Variants in DTNB observed in about 807,000 individuals in gnomAD.
DTNB encodes dystrobrevin beta, also known as DTN-B.
A neutral mutation model predicts 90.7 loss-of-function variants in DTNB; 63 were observed. The ratio of observed to expected loss-of-function variants is 0.69; its 90% CI spans 0.57 to 0.86. DTNB has a LOEUF of 0.86. DTNB is among the 40% of genes least tolerant of loss of function. DTNB has a pLI of 0.00. For synonymous variants in DTNB, 277 were observed against 286.7 expected (o/e 0.97, Z 0.34); for missense variants, 744 against 807.1 (o/e 0.92, Z 0.95).
chr2:25,565,364 G>C (rs1208749281), intron 8 of DTNB, among the ~76,000 whole-genome samples: 1 of 152,124 alleles, frequency 6.6e-6, no homozygotes, highest in African/African-American at 2.4e-5. Context: ...AGCCTCCTGA[G>C]TAGGCAGGAC....
At chr2:25,482,174 G>C (rs1170809814) in intron 10 of DTNB, among the ~76,000 whole-genome samples, 1 of 152,116 alleles carries the variant, frequency 6.6e-6, no homozygotes, top group East Asian at 1.9e-4. Flanking sequence ...CAAATAGAAA[G>C]CCATTTTATA....
intron 3 of DTNB, among the ~76,000 whole-genome samples, chr2:25,631,319 C>T (rs1001567140): frequency 2.6e-5 from 4 of 152,050 alleles, no homozygotes; most frequent in Admixed American, 6.6e-5. Context: ...CTTGGTGCAG[C>T]GGCTCATGTC....
intron 9 of DTNB, among the ~76,000 whole-genome samples, chr2:25,521,170 A>G (rs1014482058): frequency 2.6e-5 from 4 of 152,156 alleles, no homozygotes; most frequent in Non-Finnish European, 5.9e-5. Flanking sequence ...CATTCAGAAA[A>G]AAGAGTCTAA....
intron 12 of DTNB, among the ~76,000 whole-genome samples, chr2:25,444,732 T>G (rs1216442050): frequency 6.6e-6 from 1 of 152,100 alleles, no homozygotes; most frequent in South Asian, 2.1e-4. Context: ...TCAAATTATT[T>G]AACAATGTGG....
At chr2:25,656,509 A>G (rs955912983) in intron 1 of DTNB, among the ~76,000 whole-genome samples, 2 of 152,096 alleles carry the variant, frequency 1.3e-5, no homozygotes, top group Admixed American at 6.6e-5. Context: ...TAGCCACACA[A>G]TCTAGAGATA....
At chr2:25,662,070 T>C (rs1194003895) in intron 1 of DTNB, among the ~76,000 whole-genome samples, 1 of 151,758 alleles carries the variant, frequency 6.6e-6, no homozygotes, top group African/African-American at 2.4e-5. Flanking sequence ...GCAGGAGAAC[T>C]GCTTGAACCC....
At chr2:25,524,196 C>T (rs369065461) in intron 9 of DTNB, among the ~76,000 whole-genome samples, 1 of 151,940 alleles carries the variant, frequency 6.6e-6, no homozygotes, top group Admixed American at 6.6e-5. Context: ...CCACCGTGCC[C>T]GGCCCTTCTG....
chr2:25,541,557 T>C (rs2081259901), intron 8 of DTNB, among the ~76,000 whole-genome samples: 1 of 152,132 alleles, frequency 6.6e-6, no homozygotes. Flanking sequence ...TATTCACGTA[T>C]ATTCATGTTG....
intron 15 of DTNB, 76 bp downstream of exon 15, chr2:25,427,459 C>T (rs2052186862): frequency 6.9e-7 from 1 of 1,439,412 alleles, no homozygotes; most frequent in Non-Finnish European, 9.6e-7. Context: ...CCTATTCTGA[C>T]ATCACAGGGA....
rs146234691 is a variant in DTNB, at chr2:25,537,989, T to C, written c.877-6392A>G. Among the ~76,000 whole-genome samples the C allele has an allele frequency of 2.0e-5, 3 of 152,334 alleles. No individual in the cohort carries two copies. The East Asian group carries it at 5.8e-4, about 29-fold the overall frequency. On this transcript the variant is annotated intron_variant, in intron 8 of 20. Transcript: ENST00000406818. ...TCTTAACGTAGAAAGTGAAATATTC[T>C]CTAAATACTCTTAGGCAATGATTTT...
chr2:25,657,047 A>T (rs1016691622), intron 1 of DTNB, among the ~76,000 whole-genome samples: 4 of 152,130 alleles, frequency 2.6e-5, no homozygotes, highest in Non-Finnish European at 5.9e-5. Flanking sequence ...GTGGTGGTGC[A>T]TGCCTGTAAT....
chr2:25,533,547 A>C (rs191678224), intron 8 of DTNB, among the ~76,000 whole-genome samples: 2 of 152,262 alleles, frequency 1.3e-5, no homozygotes, highest in East Asian at 1.9e-4. Context: ...CATCCATCAA[A>C]GGCTGATAGT....
At chr2:25,633,278 C>T (rs945286000) in intron 3 of DTNB, among the ~76,000 whole-genome samples, 7 of 152,092 alleles carry the variant, frequency 4.6e-5, no homozygotes, top group African/African-American at 1.7e-4. Flanking sequence ...ATTCTCCTGC[C>T]TCAGCCTGCC....
intron 10 of DTNB, among the ~76,000 whole-genome samples, chr2:25,465,393 GAA>G (rs2061613099): frequency 1.3e-5 from 2 of 149,190 alleles, no homozygotes; most frequent in South Asian, 4.2e-4. Flanking sequence ...AAAAAAGAAA[GAA>G]AAGAAACAAA....
intron 12 of DTNB, among the ~76,000 whole-genome samples, chr2:25,439,645 T>C (rs867459364): frequency 6.6e-6 from 1 of 152,040 alleles, no homozygotes; most frequent in East Asian, 1.9e-4. Flanking sequence ...TTTAGTGTAG[T>C]AGGAGAGGAA....
At chr2:25,438,715 A>G (rs1450433817) in intron 12 of DTNB, among the ~76,000 whole-genome samples, 3 of 152,218 alleles carry the variant, frequency 2.0e-5, no homozygotes, top group Admixed American at 1.3e-4. Context: ...GCCTGTGCAT[A>G]GTGACTTCCT....
At chr2:25,514,605 A>G (rs1276707547) in intron 9 of DTNB, among the ~76,000 whole-genome samples, 8 of 150,166 alleles carry the variant, frequency 5.3e-5, no homozygotes, top group African/African-American at 2.0e-4. Context: ...TTTTCTTTGC[A>G]TACATCTAAC....
intron 1 of DTNB, among the ~76,000 whole-genome samples, chr2:25,669,333 GA>G (rs944099889): frequency 6.7e-6 from 1 of 149,626 alleles, no homozygotes. Context: ...CATCCAAATT[GA>G]AAAAAAAATT....
chr2:25,549,336 C>T (rs2083115032), intron 8 of DTNB, among the ~76,000 whole-genome samples: 1 of 151,846 alleles, frequency 6.6e-6, no homozygotes, highest in South Asian at 2.1e-4. Context: ...CCTGTCTTCT[C>T]TTGGATTGGT....
Sources: gnomAD v4.1 joint callset for allele counts (sites outside exome capture counted in the v4.1 genomes callset) on GRCh38, gnomAD v4.1.1 for gene constraint, MANE v1.5 for transcripts, NCBI Gene and HGNC (gene_info 2026-07-23, HGNC 2026-07-21) for gene names.